DPP10: variants seen among roughly 807,000 people sequenced by gnomAD.
DPP10 encodes the protein dipeptidyl peptidase like 10, also known as inactive dipeptidyl peptidase 10.
Under a neutral mutation model 120.9 loss-of-function variants are expected in DPP10, and 33 were observed. That is an observed-to-expected ratio of 0.27 (90% CI 0.21 to 0.37). The LOEUF is 0.37. Among genes scored for constraint, DPP10 ranks in the 10% least tolerant of loss-of-function variants. The pLI is 1.00. For missense variants in DPP10, 816 were observed against 942.8 expected, an observed-to-expected ratio of 0.87 and a Z score of 1.76; for synonymous variants, 337 against 326.1, an observed-to-expected ratio of 1.03 and a Z score of -0.36.
intron 1 of DPP10, among the ~76,000 whole-genome samples, chr2:114,993,723 T>G (rs1700903192): frequency 6.6e-6 from 1 of 151,828 alleles, no homozygotes; most frequent in African/African-American, 2.4e-5. Flanking sequence ...TCTGTGCCCT[T>G]TATTTTACTC....
chr2:114,971,416 C>T (rs985192472), intron 1 of DPP10, among the ~76,000 whole-genome samples: 1 of 152,062 alleles, frequency 6.6e-6, no homozygotes, highest in African/African-American at 2.4e-5. Context: ...AAATCACCAC[C>T]ACTTGCTCAC....
At chr2:114,584,942 G>T (rs1011764805) in intron 1 of DPP10, among the ~76,000 whole-genome samples, 3 of 152,138 alleles carry the variant, frequency 2.0e-5, no homozygotes, top group Non-Finnish European at 1.5e-5. Flanking sequence ...TCAGGATCCA[G>T]GTTCAGCATC....
intron 1 of DPP10, among the ~76,000 whole-genome samples, chr2:115,300,879 G>A (rs1421725467): frequency 6.6e-6 from 1 of 151,948 alleles, no homozygotes; most frequent in African/African-American, 2.4e-5. Flanking sequence ...GAAAGGGCTG[G>A]ATTTCCCTGT....
At chr2:115,090,012 C>T (rs1188949030) in intron 1 of DPP10, among the ~76,000 whole-genome samples, 1 of 151,782 alleles carries the variant, frequency 6.6e-6, no homozygotes, top group African/African-American at 2.4e-5. Flanking sequence ...ACAGGGACTG[C>T]CCAGTAAATG....
At chr2:115,252,124 A>G (rs1574170478) in intron 1 of DPP10, among the ~76,000 whole-genome samples, 1 of 152,326 alleles carries the variant, frequency 6.6e-6, no homozygotes, top group East Asian at 1.9e-4. Flanking sequence ...AATTTGTTTT[A>G]AAGATGCCAA....
intron 4 of DPP10, among the ~76,000 whole-genome samples, chr2:115,503,160 A>T (rs1464401485): frequency 6.6e-6 from 1 of 152,150 alleles, no homozygotes; most frequent in Non-Finnish European, 1.5e-5. Flanking sequence ...CAGCAGAATG[A>T]TTCCAAGCAA....
At chr2:115,468,428 T>C (rs1172885380) in intron 3 of DPP10, 1 of 470,496 alleles carries the variant, frequency 2.1e-6, no homozygotes, top group Non-Finnish European at 4.2e-6. Context: ...TGGTTAATAA[T>C]CCCAGGGCTG....
chr2:114,969,680 A>G (rs2104778001), intron 1 of DPP10, among the ~76,000 whole-genome samples: 1 of 152,260 alleles, frequency 6.6e-6, no homozygotes, highest in South Asian at 2.1e-4. Context: ...GTTCTGGTGA[A>G]TGCAATGTGA....
At chr2:115,791,206 TC>T (rs1683946548) in intron 18 of DPP10, 27 bp downstream of exon 18, 1 of 1,607,930 alleles carries the variant, frequency 6.2e-7, no homozygotes, top group Non-Finnish European at 8.5e-7. Flanking sequence ...GCTATGTTAT[TC>T]AAGAACAACT....
intron 3 of DPP10, among the ~76,000 whole-genome samples, chr2:115,465,002 A>G (rs1403796040): frequency 1.3e-5 from 2 of 152,224 alleles, no homozygotes; most frequent in African/African-American, 4.8e-5. Context: ...TAAAAAGAAC[A>G]AGTCACTAAC....
rs551378432 is a variant in DPP10 at position 115,318,263 on chromosome 2, T to G, written c.175+8910T>G. On this transcript the variant is annotated intron_variant, in intron 2 of 25. Transcript: ENST00000410059. ...ATAGATATATGAGTTATTTCTGGGC[T>G]TATAATTTTACTTCATTCATCTCTA... 2.0e-5 allele frequency among the ~76,000 whole-genome samples: 3 copies of G among 152,258 alleles called. No homozygotes were observed. The South Asian group carries it at 6.2e-4, about 31-fold the overall frequency.
intron 5 of DPP10, among the ~76,000 whole-genome samples, chr2:115,554,543 A>C (rs1260009314): frequency 6.6e-6 from 1 of 152,218 alleles, no homozygotes; most frequent in South Asian, 2.1e-4. Context: ...TGATTATAGT[A>C]GCCCCAGTCT....
At chr2:115,286,521 T>TA (rs2060396612) in intron 1 of DPP10, among the ~76,000 whole-genome samples, 3 of 43,494 alleles carry the variant, frequency 6.9e-5, no homozygotes, top group African/African-American at 1.9e-4. Context: ...ATAATATATA[T>TA]ATATAATATA....
chr2:115,609,053 G>A (rs1481366228), intron 5 of DPP10, among the ~76,000 whole-genome samples: 1 of 152,084 alleles, frequency 6.6e-6, no homozygotes, highest in Non-Finnish European at 1.5e-5. Flanking sequence ...AATGATTTCT[G>A]CTAGGGCACA....
At chr2:115,719,319 A>T (rs1218749772) in intron 7 of DPP10, among the ~76,000 whole-genome samples, 5 of 152,198 alleles carry the variant, frequency 3.3e-5, no homozygotes. Flanking sequence ...CAAAGGTTTT[A>T]AGAAATAAGA....
At chr2:115,014,862 CAA>C (rs144688918) in intron 1 of DPP10, among the ~76,000 whole-genome samples, 18 of 118,594 alleles carry the variant, frequency 1.5e-4, no homozygotes, top group Admixed American at 2.7e-4. Context: ...GCCTACCAAC[CAA>C]AAAAAAAAAA....
rs78507906 is a variant in DPP10, at chr2:114,745,865, G to A, written c.60+303027G>A. Among the ~76,000 whole-genome samples the A allele has an allele frequency of 3.8e-3, 573 of 152,278 alleles. 2 individuals are homozygous for A. Among genetic ancestry groups the A allele is most frequent in the Middle Eastern group, 6.8e-3 (2 of 292 alleles). ...ACTGGCCGTGTGAGCCTCTGTTCAC[G>A]TAGTCCCCACTGTCCTTTCTCATCT... On this transcript the variant is annotated intron_variant, in intron 1 of 25. Coordinates refer to ENST00000410059, the MANE Select transcript of DPP10 (RefSeq NM_020868.6).
chr2:115,842,198 C>G lies in DPP10; in HGVS notation c.2257-13C>G, dbSNP rs1690220376. The G allele has an allele frequency of 6.4e-7, 1 of 1,567,358 alleles. No homozygotes were observed. The highest frequency in any genetic ancestry group is 8.7e-7 in the Non-Finnish European group (1 of 1,149,364). ...TGGATAATTTGAAATCTTCTTTCTC[C>G]TCAATATCTTAGGTCTACCCAGATG... is the stretch of plus-strand genomic sequence containing the variant. On this transcript the variant is annotated splice_polypyrimidine_tract_variant and intron_variant, in intron 25 of 25. Transcript: ENST00000410059.
chr2:114,979,753 C>A (rs1699971194), intron 1 of DPP10, among the ~76,000 whole-genome samples: 1 of 151,954 alleles, frequency 6.6e-6, no homozygotes, highest in Admixed American at 6.5e-5. Context: ...AATTAATTTA[C>A]TACAATAGTA....
Sources: gnomAD v4.1 joint callset for allele counts (sites outside exome capture counted in the v4.1 genomes callset) on GRCh38, gnomAD v4.1.1 for gene constraint, MANE v1.5 for transcripts, NCBI Gene and HGNC (gene_info 2026-07-23, HGNC 2026-07-21) for gene names.